The following TRAK1 variants were observed in gnomAD, a reference collection of about 807,000 sequenced individuals.
TRAK1 encodes trafficking kinesin-binding protein 1.
TRAK1 carries 33 observed loss-of-function variants against 92.1 expected under a neutral mutation model. That is an observed-to-expected ratio of 0.36 (90% CI 0.27 to 0.48). The LOEUF is 0.48. Among genes scored for constraint, TRAK1 ranks in the 20% least tolerant of loss-of-function variants. The pLI, the probability that TRAK1 is intolerant of heterozygous loss-of-function variation, is 0.99. For synonymous variants in TRAK1, 521 were observed against 517.3 expected (o/e 1.01, Z -0.10); for missense variants, 1,123 against 1,257.9 (o/e 0.89, Z 1.62).
chr3:42,152,296 A>G (rs372133170), intron 2 of TRAK1, among the ~76,000 whole-genome samples: 1 of 152,222 alleles, frequency 6.6e-6, no homozygotes, highest in Non-Finnish European at 1.5e-5. Flanking sequence ...AGTGTCTTCA[A>G]GTAACTTTTA....
intron 1 of TRAK1, among the ~76,000 whole-genome samples, chr3:42,119,272 A>G (rs1249135519): frequency 6.6e-6 from 1 of 152,174 alleles, no homozygotes; most frequent in Non-Finnish European, 1.5e-5. Flanking sequence ...TGCAATAGAG[A>G]GTGACATTTG....
intron 2 of TRAK1, among the ~76,000 whole-genome samples, chr3:42,174,030 A>C (rs764648226): frequency 2.6e-5 from 4 of 152,198 alleles, no homozygotes; most frequent in Admixed American, 6.5e-5. Context: ...TGAAGATTAC[A>C]TAAAATAATC....
intron 1 of TRAK1, among the ~76,000 whole-genome samples, chr3:42,062,777 G>T (rs1379112088): frequency 6.6e-6 from 1 of 152,188 alleles, no homozygotes; most frequent in Admixed American, 6.5e-5. Flanking sequence ...TCTTCACTTT[G>T]TTGGAAAACA....
intron 1 of TRAK1, among the ~76,000 whole-genome samples, chr3:42,019,450 A>AT (rs1701653187): frequency 6.6e-6 from 1 of 151,926 alleles, no homozygotes; most frequent in African/African-American, 2.4e-5. Flanking sequence ...TCTTTTTTAA[A>AT]TTTTTTTGTA....
At chr3:42,105,734 G>A (rs1196304872) in intron 1 of TRAK1, among the ~76,000 whole-genome samples, 1 of 152,116 alleles carries the variant, frequency 6.6e-6, no homozygotes, top group Non-Finnish European at 1.5e-5. Context: ...CACCAAAGTT[G>A]AAATGAAGGA....
chr3:42,116,710 G>A (rs1248586322), intron 1 of TRAK1, among the ~76,000 whole-genome samples: 1 of 152,176 alleles, frequency 6.6e-6, no homozygotes, highest in Non-Finnish European at 1.5e-5. Context: ...TAGCCAGAGC[G>A]CCTGCCTCCC....
At chr3:42,109,844 TC>T (rs1168822771) in intron 1 of TRAK1, among the ~76,000 whole-genome samples, 1 of 151,540 alleles carries the variant, frequency 6.6e-6, no homozygotes, top group East Asian at 1.9e-4. Flanking sequence ...CAGCAAACTG[TC>T]CCAAGGACAG....
chr3:42,192,911 G>T lies in TRAK1; in HGVS notation c.770-164G>T, dbSNP rs368332447. On this transcript the variant is annotated intron_variant, in intron 7 of 15. Coordinates refer to ENST00000327628, the MANE Select transcript of TRAK1 (RefSeq NM_001042646.3). The stretch of plus-strand genomic sequence containing the variant: ...TGAAGAAGCTGCTTTGCTTCTCCAT[G>T]TGGGAAAATGGTCATTATGAGTTCC... Among the ~76,000 whole-genome samples the T allele has an allele frequency of 4.7e-4, 72 of 152,266 alleles. No individual in the cohort carries two copies. The South Asian group carries it at 0.01, about 22-fold the overall frequency.
chr3:42,211,829 A>C, intron 14 of TRAK1: 1 of 985,446 alleles, frequency 1.0e-6, no homozygotes, highest in Non-Finnish European at 1.2e-6. Context: ...ACCTGTGGCA[A>C]ATTCATCCTA....
At chr3:42,043,869 C>A (rs954148673) in intron 1 of TRAK1, among the ~76,000 whole-genome samples, 9 of 150,356 alleles carry the variant, frequency 6.0e-5, no homozygotes, top group Non-Finnish European at 1.2e-4. Context: ...AGACGGCCTT[C>A]TATACCTTTC....
At chr3:42,196,880 A>C (rs1706735693) in intron 10 of TRAK1, among the ~76,000 whole-genome samples, 1 of 151,546 alleles carries the variant, frequency 6.6e-6, no homozygotes, top group Non-Finnish European at 1.5e-5. Context: ...CAGCTGCCTC[A>C]CAACACCACA....
rs371586406 is a variant in TRAK1 at position 42,120,260 on chromosome 3, T to C, written c.92-5160T>C. On this transcript the variant is annotated intron_variant, in intron 1 of 15. Coordinates refer to ENST00000327628, the MANE Select transcript of TRAK1 (RefSeq NM_001042646.3). ...GTTATTGCATATCTACCTGAAGCCA[T>C]GGACCTTTGGGCTTTGGGATTGGTC... Among the ~76,000 whole-genome samples, 5 of 152,298 alleles carry C rather than the reference T, an allele frequency of 3.3e-5. No homozygotes were observed. The South Asian group carries it at 6.2e-4, about 19-fold the overall frequency.
chr3:42,172,893 G>A (rs1386227231), intron 2 of TRAK1, among the ~76,000 whole-genome samples: 2 of 152,072 alleles, frequency 1.3e-5, no homozygotes, highest in African/African-American at 2.4e-5. Context: ...TGCCTGTAAT[G>A]CCAGCACTTT....
intron 1 of TRAK1, among the ~76,000 whole-genome samples, chr3:42,108,639 C>T (rs1376055011): frequency 2.6e-5 from 4 of 151,906 alleles, no homozygotes; most frequent in African/African-American, 7.3e-5. Flanking sequence ...ATGGTCACCC[C>T]GGACACTACC....
At chr3:42,191,737 C>T (rs115418911) in intron 7 of TRAK1, 101 bp downstream of exon 7, 14 of 1,297,814 alleles carry the variant, frequency 1.1e-5, no homozygotes, top group Middle Eastern at 2.0e-4. Flanking sequence ...TGCCAGCCTA[C>T]GGCTCAGCAG....
intron 11 of TRAK1, among the ~76,000 whole-genome samples, chr3:42,200,310 C>G (rs1707345298): frequency 6.6e-6 from 1 of 152,186 alleles, no homozygotes; most frequent in Non-Finnish European, 1.5e-5. Context: ...CAAAATTAGA[C>G]AAATCTAGTA....
At chr3:42,214,011 T>G (rs762199467) in intron 14 of TRAK1, among the ~76,000 whole-genome samples, 5 of 152,198 alleles carry the variant, frequency 3.3e-5, no homozygotes, top group Admixed American at 6.5e-5. Context: ...AACTGCCACC[T>G]GCAAGTGGAA....
At chr3:42,099,600 C>T (rs750530806) in intron 1 of TRAK1, among the ~76,000 whole-genome samples, 1 of 152,162 alleles carries the variant, frequency 6.6e-6, no homozygotes, top group Admixed American at 6.5e-5. Flanking sequence ...ACCCCAGCCA[C>T]GCAGAGAGGG....
At chr3:42,062,766 G>A (rs1703503575) in intron 1 of TRAK1, among the ~76,000 whole-genome samples, 1 of 152,198 alleles carries the variant, frequency 6.6e-6, no homozygotes. Flanking sequence ...CATCAGTGAA[G>A]TCTTCACTTT....
Sources: allele counts gnomAD v4.1 joint callset (sites outside exome capture counted in the v4.1 genomes callset), GRCh38; gene constraint gnomAD v4.1.1; transcripts MANE v1.5; gene names NCBI Gene and HGNC (gene_info 2026-07-23, HGNC 2026-07-21).